Variants in SUGCT observed in about 807,000 individuals in gnomAD.
SUGCT encodes the protein succinyl-CoA:glutarate-CoA transferase, also known as succinyl-CoA:glutarate CoA-transferase.
A neutral mutation model predicts 55.0 loss-of-function variants in SUGCT; 41 were observed. The ratio of observed to expected loss-of-function variants is 0.74; its 90% CI spans 0.58 to 0.97. The LOEUF (loss-of-function observed/expected upper bound fraction) is 0.97, where lower values mean the gene tolerates loss of function less well. SUGCT is among the 50% of genes least tolerant of loss of function. The pLI is 0.00. For missense variants in SUGCT, 568 were observed against 547.8 expected (o/e 1.04, Z -0.37); for synonymous variants, 187 against 200.4 (o/e 0.93, Z 0.56).
chr7:40,275,141 ATTTTG>A (rs1371307100), intron 8 of SUGCT, among the ~76,000 whole-genome samples: 1 of 152,168 alleles, frequency 6.6e-6, no homozygotes, highest in Non-Finnish European at 1.5e-5. Flanking sequence ...GACCATGAAG[ATTTTG>A]TTGTAATGTA....
At chr7:40,841,661 C>T (rs1235456175) in intron 13 of SUGCT, among the ~76,000 whole-genome samples, 152 of 152,286 alleles carry the variant, frequency 1.0e-3, no homozygotes, top group Non-Finnish European at 3.4e-4. Flanking sequence ...AGAAATGATA[C>T]ATTTCATATT....
At chr7:41,032,344 T>G in the SUGCT span, among the ~76,000 whole-genome samples, 6 of 152,114 alleles carry the variant, frequency 3.9e-5, no homozygotes, top group South Asian at 4.2e-4. Flanking sequence ...TGTTTTTTTT[T>G]TTTTCTTTTT....
chr7:40,265,367 C>T (rs1791496631), intron 7 of SUGCT, among the ~76,000 whole-genome samples: 2 of 152,058 alleles, frequency 1.3e-5, no homozygotes, highest in South Asian at 4.1e-4. Flanking sequence ...TGAACATATG[C>T]CCAAATTGAT....
chr7:40,792,252 A>G (rs887548218), intron 13 of SUGCT, among the ~76,000 whole-genome samples: 3 of 152,140 alleles, frequency 2.0e-5, no homozygotes, highest in African/African-American at 7.2e-5. Context: ...GTATATTTTT[A>G]AAGTATTACT....
chr7:40,413,845 A>G (rs184466102), intron 9 of SUGCT, among the ~76,000 whole-genome samples: 54 of 152,338 alleles, frequency 3.5e-4, no homozygotes, highest in Non-Finnish European at 6.0e-4. Flanking sequence ...ATAAATGTAA[A>G]TAAAAGCAAT....
At chr7:40,801,158 A>C (rs1337478585) in intron 13 of SUGCT, among the ~76,000 whole-genome samples, 1 of 152,216 alleles carries the variant, frequency 6.6e-6, no homozygotes. Flanking sequence ...TGATAGTGAA[A>C]GTGTGTGAAC....
intron 12 of SUGCT, among the ~76,000 whole-genome samples, chr7:40,617,904 T>C (rs1178063894): frequency 6.6e-6 from 1 of 152,208 alleles, no homozygotes; most frequent in Non-Finnish European, 1.5e-5. Flanking sequence ...GACTCTGAAA[T>C]ACTATTTTTC....
Position 40,860,502 on chromosome 7 carries a change from A to C in SUGCT, c.*23A>C. On this transcript the variant is annotated 3_prime_UTR_variant, in exon 14 of 14. Transcript: ENST00000335693. ...TGACAAAGGAAAAGGGCTCTTCCTCATAACCTCGATCCGAATACACTGGCA... is the reference window on the plus strand; with the variant it reads ...TGACAAAGGAAAAGGGCTCTTCCTCCTAACCTCGATCCGAATACACTGGCA... The C allele has an allele frequency of 6.2e-7, 1 of 1,600,822 alleles. No homozygotes were observed. The highest frequency in any genetic ancestry group is 8.5e-7 in the Non-Finnish European group (1 of 1,171,420).
intron 9 of SUGCT, among the ~76,000 whole-genome samples, chr7:40,328,717 GTA>G (rs1796137954): frequency 6.6e-6 from 1 of 151,270 alleles, no homozygotes; most frequent in South Asian, 2.1e-4. Flanking sequence ...TTGTACATGT[GTA>G]TGTGTGTGTG....
At chr7:40,885,800 G>C in the SUGCT span, among the ~76,000 whole-genome samples, 3 of 152,132 alleles carry the variant, frequency 2.0e-5, no homozygotes, top group Non-Finnish European at 2.9e-5. Context: ...CTAATGAATG[G>C]GCTCCAAAGG....
intron 12 of SUGCT, among the ~76,000 whole-genome samples, chr7:40,569,192 G>A (rs555028247): frequency 1.3e-5 from 2 of 152,080 alleles, no homozygotes; most frequent in South Asian, 4.2e-4. Flanking sequence ...TAGGGGTCAG[G>A]GATTTTAGAT....
At chr7:40,455,323 A>G (rs1016805565) in intron 10 of SUGCT, among the ~76,000 whole-genome samples, 1 of 152,186 alleles carries the variant, frequency 6.6e-6, no homozygotes, top group Non-Finnish European at 1.5e-5. Flanking sequence ...AAAAAAGAAT[A>G]AACTGATCTA....
At chr7:40,649,400 A>G (rs531678424) in intron 12 of SUGCT, among the ~76,000 whole-genome samples, 1 of 152,052 alleles carries the variant, frequency 6.6e-6, no homozygotes, top group African/African-American at 2.4e-5. Context: ...TGCTTTACAG[A>G]TGGGGGGGGA....
chr7:40,986,556 T>G, the SUGCT span, among the ~76,000 whole-genome samples: 1 of 152,166 alleles, frequency 6.6e-6, no homozygotes, highest in African/African-American at 2.4e-5. Flanking sequence ...CCAACTGAAA[T>G]GAAAAGAAAA....
the SUGCT span, among the ~76,000 whole-genome samples, chr7:40,927,186 T>C: frequency 6.6e-6 from 1 of 152,242 alleles, no homozygotes. Context: ...TACTTAGCAT[T>C]CCCTAAGGTA....
At chr7:40,512,224 C>T (rs961731729) in intron 12 of SUGCT, among the ~76,000 whole-genome samples, 1 of 152,154 alleles carries the variant, frequency 6.6e-6, no homozygotes, top group Non-Finnish European at 1.5e-5. Context: ...CCTAGTGGTA[C>T]ACTGAAGTGT....
chr7:40,207,397 A>G (rs1343433167), intron 6 of SUGCT, among the ~76,000 whole-genome samples: 3 of 152,170 alleles, frequency 2.0e-5, no homozygotes, highest in Non-Finnish European at 4.4e-5. Context: ...GATGGATACT[A>G]TCAAAAAACC....
At chr7:40,960,486 A>G in the SUGCT span, among the ~76,000 whole-genome samples, 4 of 152,198 alleles carry the variant, frequency 2.6e-5, no homozygotes, top group East Asian at 1.9e-4. Flanking sequence ...TCCAAACAAT[A>G]TGTTTGAAAC....
chr7:40,973,598 A>C, the SUGCT span, among the ~76,000 whole-genome samples: 1 of 152,212 alleles, frequency 6.6e-6, no homozygotes, highest in Admixed American at 6.5e-5. Context: ...CTTGGACTAA[A>C]GCCTCCCACG....
Sources: allele counts gnomAD v4.1 joint callset (sites outside exome capture counted in the v4.1 genomes callset), GRCh38; gene constraint gnomAD v4.1.1; transcripts MANE v1.5; gene names NCBI Gene and HGNC (gene_info 2026-07-23, HGNC 2026-07-21).